The following WDPCP variants were observed in gnomAD, a reference collection of about 807,000 sequenced individuals.
WDPCP encodes WD repeat containing planar cell polarity effector, also known as WD repeat-containing and planar cell polarity effector protein fritz homolog.
A neutral mutation model predicts 93.1 loss-of-function variants in WDPCP; 71 were observed. The observed-to-expected ratio is 0.76, with a 90% CI of 0.63 to 0.93. The LOEUF is 0.93. Among genes scored for constraint, WDPCP ranks in the 40% least tolerant of loss-of-function variants. The probability of loss-of-function intolerance (pLI) is 0.00; values close to 1 mark genes in which losing one functional copy is unlikely to be tolerated. For synonymous variants in WDPCP, 315 were observed against 315.0 expected, an observed-to-expected ratio of 1.00 and a Z score of 0.00; for missense variants, 844 against 887.4, an observed-to-expected ratio of 0.95 and a Z score of 0.62.
intron 14 of WDPCP, among the ~76,000 whole-genome samples, chr2:63,219,716 A>G (rs1275935355): frequency 2.6e-5 from 4 of 152,126 alleles, no homozygotes; most frequent in Non-Finnish European, 4.4e-5. Flanking sequence ...TATAGTAAAA[A>G]CAGGCCGGAC....
At chr2:63,691,990 A>G (rs1367449753) in intron 2 of WDPCP, among the ~76,000 whole-genome samples, 1 of 151,708 alleles carries the variant, frequency 6.6e-6, no homozygotes, top group East Asian at 1.9e-4. Context: ...AAAATATAGG[A>G]CCTACTCATT....
intron 13 of WDPCP, among the ~76,000 whole-genome samples, chr2:63,273,004 G>C (rs1006031566): frequency 6.6e-6 from 1 of 152,024 alleles, no homozygotes; most frequent in African/African-American, 2.4e-5. Context: ...CAAGAGAAAA[G>C]TGTCAAGTCA....
rs190627506 is a variant in WDPCP, at chr2:63,514,248, A to G, written c.76-21308T>C. Among the ~76,000 whole-genome samples the G allele has an allele frequency of 3.3e-5, 5 of 152,250 alleles. No homozygotes were observed. In the East Asian group the frequency reaches 9.6e-4, roughly 29 times the overall value. On this transcript the variant is annotated intron_variant, in intron 1 of 17. Transcript: ENST00000272321. ...GCCTTTTATACTATATATATGGGCTATATGGATTTTTTTAAGTGCCCCACC... is the reference window on the plus strand; with the variant it reads ...GCCTTTTATACTATATATATGGGCTGTATGGATTTTTTTAAGTGCCCCACC...
intron 6 of WDPCP, among the ~76,000 whole-genome samples, chr2:63,454,541 T>G (rs1389972848): frequency 6.6e-6 from 1 of 151,980 alleles, no homozygotes; most frequent in Non-Finnish European, 1.5e-5. Flanking sequence ...AAATAAAGAA[T>G]GAGCAAAGTC....
chr2:63,494,691 CG>C (rs1414308302), intron 1 of WDPCP, among the ~76,000 whole-genome samples: 1 of 151,804 alleles, frequency 6.6e-6, no homozygotes, highest in African/African-American at 2.4e-5. Context: ...GAGGCCGAGG[CG>C]GGGGGATCAC....
chr2:63,810,797 CT>C (rs1431952871), intron 2 of WDPCP, among the ~76,000 whole-genome samples: 3 of 152,160 alleles, frequency 2.0e-5, no homozygotes, highest in Non-Finnish European at 4.4e-5. Flanking sequence ...TACGGAAAAG[CT>C]TTTCTATTTT....
intron 9 of WDPCP, among the ~76,000 whole-genome samples, chr2:63,406,343 AC>A (rs1694584404): frequency 6.6e-6 from 1 of 152,072 alleles, no homozygotes; most frequent in African/African-American, 2.4e-5. Flanking sequence ...TCCCTCCCTC[AC>A]ACTCTTTTTG....
At chr2:63,324,026 A>G (rs183413646) in intron 12 of WDPCP, among the ~76,000 whole-genome samples, 159 of 152,096 alleles carry the variant, frequency 1.0e-3, no homozygotes, top group African/African-American at 3.7e-3. Context: ...ATTGGGACCA[A>G]TTTGACCCAC....
At chr2:63,183,856 C>A (rs758696268) in intron 14 of WDPCP, among the ~76,000 whole-genome samples, 8 of 151,926 alleles carry the variant, frequency 5.3e-5, no homozygotes, top group Non-Finnish European at 4.4e-5. Flanking sequence ...TAGAATTGAT[C>A]CCTTTACATT....
chr2:63,271,465 C>A (rs1682637543), intron 13 of WDPCP, among the ~76,000 whole-genome samples: 1 of 152,126 alleles, frequency 6.6e-6, no homozygotes, highest in Non-Finnish European at 1.5e-5. Flanking sequence ...TGCTGGTGCC[C>A]ACATGTACCA....
chr2:63,248,703 C>G (rs543502310), intron 14 of WDPCP, among the ~76,000 whole-genome samples: 1 of 152,150 alleles, frequency 6.6e-6, no homozygotes, highest in South Asian at 2.1e-4. Context: ...AGGTTTAGTT[C>G]ACTTTTCATA....
intron 13 of WDPCP, among the ~76,000 whole-genome samples, chr2:63,271,516 C>G (rs1682643857): frequency 6.6e-6 from 1 of 152,204 alleles, no homozygotes; most frequent in African/African-American, 2.4e-5. Context: ...TCACTGGCAT[C>G]TGAGTACACC....
At chr2:63,744,815 C>G (rs1014550141) in intron 2 of WDPCP, among the ~76,000 whole-genome samples, 1 of 152,002 alleles carries the variant, frequency 6.6e-6, no homozygotes, top group Non-Finnish European at 1.5e-5. Context: ...CCCCCTTTCC[C>G]CTACCCACCC....
In WDPCP at chr2:63,557,132, A is replaced by C. The variant is rs553729551; in HGVS notation, c.75+31065T>G. On this transcript the variant is annotated intron_variant, in intron 1 of 17. Coordinates refer to ENST00000272321, the MANE Select transcript of WDPCP (RefSeq NM_015910.7). The stretch of plus-strand genomic sequence containing the variant: ...CATGTCTGCAAAATAACTAGCTAGC[A>C]TCACAATGACAGAATCAAATTCACT... Among the ~76,000 whole-genome samples the C allele has an allele frequency of 2.0e-5, 3 of 152,382 alleles. No individual in the cohort carries two copies. In the East Asian group the frequency reaches 5.8e-4, roughly 29 times the overall value.
intron 12 of WDPCP, among the ~76,000 whole-genome samples, chr2:63,324,182 C>T (rs1482793639): frequency 6.6e-6 from 1 of 152,044 alleles, no homozygotes; most frequent in African/African-American, 2.4e-5. Context: ...AGAGGGAAGG[C>T]AAATGGAGTG....
At chr2:63,588,147 C>G in intron 1 of WDPCP, 50 bp downstream of exon 1, 2 of 1,547,942 alleles carry the variant, frequency 1.3e-6, no homozygotes, top group Non-Finnish European at 1.7e-6. Flanking sequence ...CAACCGCATT[C>G]CGGATCCTAA....
At chr2:63,741,350 C>T (rs1048182828) in intron 2 of WDPCP, among the ~76,000 whole-genome samples, 4 of 152,018 alleles carry the variant, frequency 2.6e-5, no homozygotes, top group African/African-American at 9.7e-5. Context: ...ACTGTACACC[C>T]TGAGTTAAGA....
intron 14 of WDPCP, among the ~76,000 whole-genome samples, chr2:63,225,068 AAG>A (rs1678169625): frequency 6.6e-6 from 1 of 151,630 alleles, no homozygotes; most frequent in Non-Finnish European, 1.5e-5. Context: ...AAAAAAAAAA[AAG>A]AAACCTATTA....
intron 13 of WDPCP, among the ~76,000 whole-genome samples, chr2:63,311,915 A>G (rs1253065412): frequency 6.6e-6 from 1 of 152,158 alleles, no homozygotes; most frequent in Non-Finnish European, 1.5e-5. Context: ...CTGAAACTAT[A>G]GACATAAAAA....
Sources: allele counts gnomAD v4.1 joint callset (sites outside exome capture counted in the v4.1 genomes callset), GRCh38; gene constraint gnomAD v4.1.1; transcripts MANE v1.5; gene names NCBI Gene and HGNC (gene_info 2026-07-23, HGNC 2026-07-21).